ERC2: variants seen among roughly 807,000 people sequenced by gnomAD.
ERC2 encodes the protein ELKS/RAB6-interacting/CAST family member 2, also known as ERC protein 2.
Under a neutral mutation model 114.8 loss-of-function variants are expected in ERC2, and 42 were observed. The observed-to-expected ratio is 0.37, with a 90% CI of 0.29 to 0.47. ERC2 has a LOEUF of 0.47. ERC2 is among the 20% of genes least tolerant of loss of function. The pLI is 0.99. For synonymous variants in ERC2, 454 were observed against 425.5 expected (o/e 1.07, Z -0.82); for missense variants, 939 against 1,150.7 (o/e 0.82, Z 2.66).
intron 2 of ERC2, among the ~76,000 whole-genome samples, chr3:56,415,698 T>C (rs1053155107): frequency 1.3e-5 from 2 of 152,226 alleles, no homozygotes; most frequent in Non-Finnish European, 2.9e-5. Flanking sequence ...ACAGCAAAAG[T>C]AAAATTAGCC....
chr3:55,592,501 T>C (rs1268800001), intron 17 of ERC2, among the ~76,000 whole-genome samples: 4 of 152,134 alleles, frequency 2.6e-5, no homozygotes, highest in African/African-American at 9.7e-5. Flanking sequence ...AAAGACCTCA[T>C]TCAGGAGGGG....
At chr3:55,756,556 C>T (rs2067071100) in intron 14 of ERC2, among the ~76,000 whole-genome samples, 1 of 152,182 alleles carries the variant, frequency 6.6e-6, no homozygotes, top group Non-Finnish European at 1.5e-5. Context: ...TTAAAAATCT[C>T]AGAGCAACAG....
chr3:56,216,429 C>T (rs946793139), intron 3 of ERC2, among the ~76,000 whole-genome samples: 5 of 152,122 alleles, frequency 3.3e-5, no homozygotes, highest in African/African-American at 1.2e-4. Context: ...TACACCCTTC[C>T]GAGACCAAAC....
chr3:56,268,093 C>T (rs1011543458), intron 3 of ERC2, among the ~76,000 whole-genome samples: 25 of 152,038 alleles, frequency 1.6e-4, no homozygotes, highest in African/African-American at 5.6e-4. Context: ...CATGATGTCT[C>T]GATAAATGAC....
chr3:56,264,298 G>A (rs2053144347), intron 3 of ERC2, among the ~76,000 whole-genome samples: 1 of 152,096 alleles, frequency 6.6e-6, no homozygotes, highest in Non-Finnish European at 1.5e-5. Context: ...GGAAGTACTA[G>A]CAAGATCAAT....
intron 14 of ERC2, among the ~76,000 whole-genome samples, chr3:55,798,966 A>G (rs1051327386): frequency 6.6e-6 from 1 of 152,198 alleles, no homozygotes; most frequent in African/African-American, 2.4e-5. Context: ...TGTCCAATTT[A>G]TTGCTAAAAA....
chr3:56,134,869 G>C (rs919129024), intron 6 of ERC2, among the ~76,000 whole-genome samples: 1 of 151,992 alleles, frequency 6.6e-6, no homozygotes, highest in Non-Finnish European at 1.5e-5. Flanking sequence ...TGCCGAGTTG[G>C]AGAAAAGTAT....
At chr3:55,548,500 C>G (rs544434831) in intron 17 of ERC2, among the ~76,000 whole-genome samples, 6 of 152,308 alleles carry the variant, frequency 3.9e-5, no homozygotes, top group African/African-American at 1.2e-4. Flanking sequence ...CCATGTGCCA[C>G]ACTTGCTCTC....
At chr3:56,255,899 G>A (rs908446882) in intron 3 of ERC2, among the ~76,000 whole-genome samples, 1 of 152,166 alleles carries the variant, frequency 6.6e-6, no homozygotes, top group African/African-American at 2.4e-5. Context: ...AGAATCTCAG[G>A]CTCCACCTCA....
chr3:56,328,711 A>G (rs1384233324), intron 2 of ERC2, among the ~76,000 whole-genome samples: 2 of 152,194 alleles, frequency 1.3e-5, no homozygotes. Flanking sequence ...ATTGTTCTAC[A>G]GACAAGGAAA....
chr3:56,365,112 T>G (rs1204197210), intron 2 of ERC2, among the ~76,000 whole-genome samples: 1 of 152,244 alleles, frequency 6.6e-6, no homozygotes, highest in Non-Finnish European at 1.5e-5. Flanking sequence ...ACCTAAGTGT[T>G]TCATCAATGA....
chr3:55,974,377 G>T (rs2069414494), intron 12 of ERC2, among the ~76,000 whole-genome samples: 1 of 152,192 alleles, frequency 6.6e-6, no homozygotes, highest in Admixed American at 6.5e-5. Context: ...ATACTGTGCT[G>T]CAGAGAAGTC....
chr3:55,716,439 A>T (rs1026461728), intron 15 of ERC2, among the ~76,000 whole-genome samples: 18 of 152,244 alleles, frequency 1.2e-4, no homozygotes, highest in Admixed American at 2.0e-4. Flanking sequence ...CTGGAGAGTA[A>T]AGAAAACCAC....
At chr3:56,062,799 C>A (rs2076300742) in intron 7 of ERC2, among the ~76,000 whole-genome samples, 1 of 152,140 alleles carries the variant, frequency 6.6e-6, no homozygotes, top group South Asian at 2.1e-4. Flanking sequence ...GGTCTCAACT[C>A]TGACTTGAGC....
intron 14 of ERC2, among the ~76,000 whole-genome samples, chr3:55,795,135 G>T (rs181032120): frequency 6.6e-6 from 1 of 151,896 alleles, no homozygotes; most frequent in African/African-American, 2.4e-5. Flanking sequence ...GTACATTAAC[G>T]TTCTTTCAAA....
At chr3:55,616,631 CT>C (rs11289307) in intron 17 of ERC2, among the ~76,000 whole-genome samples, 41,459 of 141,730 alleles carry the variant, frequency 0.29, 5,938 homozygotes, top group East Asian at 0.65. Context: ...AGTTATTGTG[CT>C]TTTTTTTTTT....
intron 17 of ERC2, among the ~76,000 whole-genome samples, chr3:55,623,419 T>C (rs527304913): frequency 6.6e-6 from 1 of 152,328 alleles, no homozygotes; most frequent in African/African-American, 2.4e-5. Flanking sequence ...CTTCAAAGAA[T>C]CAGTATGTCA....
At chr3:55,929,820 A>G (rs1312562500) in intron 13 of ERC2, among the ~76,000 whole-genome samples, 3 of 152,174 alleles carry the variant, frequency 2.0e-5, no homozygotes, top group African/African-American at 7.2e-5. Flanking sequence ...CTGCAGCCAT[A>G]TAAGAAGACA....
intron 2 of ERC2, among the ~76,000 whole-genome samples, chr3:56,351,388 A>C (rs578189364): frequency 6.6e-6 from 1 of 152,312 alleles, no homozygotes; most frequent in East Asian, 1.9e-4. Flanking sequence ...ACTTGCAGTA[A>C]GATCAGCAAA....
Sources: gnomAD v4.1 joint callset for allele counts (sites outside exome capture counted in the v4.1 genomes callset) on GRCh38, gnomAD v4.1.1 for gene constraint, MANE v1.5 for transcripts, NCBI Gene and HGNC (gene_info 2026-07-23, HGNC 2026-07-21) for gene names.